XKR9: variants seen among roughly 807,000 people sequenced by gnomAD.
XKR9 encodes the protein XK-related protein 9.
Under a neutral mutation model 32.0 loss-of-function variants are expected in XKR9, and 32 were observed. The ratio of observed to expected loss-of-function variants is 1.00; its 90% confidence interval spans 0.76 to 1.34. The LOEUF is 1.34. XKR9 is among the 40% of genes most tolerant of loss of function. XKR9 has a pLI of 0.00. For missense variants in XKR9, 546 were observed against 429.7 expected (o/e 1.27, Z -2.39); for synonymous variants, 168 against 143.4 (o/e 1.17, Z -1.22).
the XKR9 span, among the ~76,000 whole-genome samples, chr8:70,900,764 A>C: frequency 6.6e-6 from 1 of 152,112 alleles, no homozygotes; most frequent in Non-Finnish European, 1.5e-5. Flanking sequence ...GCACCGGTTA[A>C]CTTGACATTT....
chr8:70,898,534 C>G, the XKR9 span, among the ~76,000 whole-genome samples: 1 of 152,034 alleles, frequency 6.6e-6, no homozygotes, highest in Non-Finnish European at 1.5e-5. Context: ...CATTTTAATT[C>G]AGTTCAAAAT....
chr8:70,736,839 G>A (rs1378218861), downstream of XKR9, among the ~76,000 whole-genome samples: 1 of 151,128 alleles, frequency 6.6e-6, no homozygotes, highest in Admixed American at 6.6e-5. Context: ...CTCTGTTTTG[G>A]TACCAGTACC....
the XKR9 span, among the ~76,000 whole-genome samples, chr8:70,845,249 C>T: frequency 2.1e-4 from 32 of 152,320 alleles, no homozygotes; most frequent in Middle Eastern, 6.8e-3. Flanking sequence ...CTAAAGTGTC[C>T]TACCCAACCA....
At chr8:70,703,032 A>T (rs971752347) in intron 3 of XKR9, among the ~76,000 whole-genome samples, 1 of 152,000 alleles carries the variant, frequency 6.6e-6, no homozygotes, top group Non-Finnish European at 1.5e-5. Flanking sequence ...TTTGATTTTC[A>T]GCAATTTGAG....
the XKR9 span, among the ~76,000 whole-genome samples, chr8:70,951,673 C>G: frequency 2.0e-5 from 3 of 152,340 alleles, no homozygotes; most frequent in South Asian, 6.2e-4. Flanking sequence ...TCCAGCAGAA[C>G]CTCTCTTTGC....
the XKR9 span, among the ~76,000 whole-genome samples, chr8:71,049,642 T>C: frequency 3.9e-5 from 6 of 152,234 alleles, no homozygotes; most frequent in South Asian, 1.2e-3. Flanking sequence ...CAGAGAAGAA[T>C]GGAAGTCAGA....
chr8:70,718,771 G>T (rs1806175794), intron 4 of XKR9, among the ~76,000 whole-genome samples: 1 of 152,142 alleles, frequency 6.6e-6, no homozygotes, highest in Non-Finnish European at 1.5e-5. Flanking sequence ...AAATAGTGCT[G>T]CAATAAACAT....
chr8:70,693,537 G>C (rs1475980107), intron 3 of XKR9, among the ~76,000 whole-genome samples: 3 of 152,122 alleles, frequency 2.0e-5, no homozygotes, highest in Admixed American at 6.5e-5. Context: ...TGCAGCTCTG[G>C]GACAGTCTTA....
intron 2 of XKR9, among the ~76,000 whole-genome samples, chr8:70,774,225 C>G (rs1455186896): frequency 6.6e-6 from 1 of 152,166 alleles, no homozygotes; most frequent in Non-Finnish European, 1.5e-5. Flanking sequence ...AAAAGGAAAA[C>G]AGTAAATTAT....
chr8:70,724,950 G>C (rs570706618), intron 4 of XKR9, among the ~76,000 whole-genome samples: 2 of 152,258 alleles, frequency 1.3e-5, no homozygotes, highest in Admixed American at 1.3e-4. Flanking sequence ...AATTTATAAA[G>C]AAGTTTAATC....
chr8:70,828,805 G>C, the XKR9 span, among the ~76,000 whole-genome samples: 1 of 151,618 alleles, frequency 6.6e-6, no homozygotes, highest in Non-Finnish European at 1.5e-5. Context: ...CAAACATGAA[G>C]GTTAAGTTAT....
intron 4 of XKR9, among the ~76,000 whole-genome samples, chr8:70,722,336 A>G (rs1806310748): frequency 6.7e-6 from 1 of 150,112 alleles, no homozygotes; most frequent in African/African-American, 2.4e-5. Flanking sequence ...TGATCCTGTC[A>G]TCATGATGCT....
the XKR9 span, among the ~76,000 whole-genome samples, chr8:71,004,320 G>T: frequency 1.3e-5 from 2 of 152,098 alleles, no homozygotes; most frequent in Non-Finnish European, 2.9e-5. Flanking sequence ...GCCACACAGA[G>T]GGAAACTATT....
At chr8:70,854,117 G>A in the XKR9 span, among the ~76,000 whole-genome samples, 1 of 152,166 alleles carries the variant, frequency 6.6e-6, no homozygotes, top group Non-Finnish European at 1.5e-5. Flanking sequence ...CTTCCACAAT[G>A]GTTGAACTAG....
the XKR9 span, among the ~76,000 whole-genome samples, chr8:70,867,076 G>A: frequency 1.3e-5 from 2 of 152,184 alleles, no homozygotes; most frequent in Non-Finnish European, 2.9e-5. Flanking sequence ...GGGAAAAAGG[G>A]TTTAATGGAC....
the XKR9 span, among the ~76,000 whole-genome samples, chr8:70,845,005 G>A: frequency 6.6e-6 from 1 of 152,134 alleles, no homozygotes; most frequent in Non-Finnish European, 1.5e-5. Flanking sequence ...TGGTAATACT[G>A]ATGCCCACGT....
the XKR9 span, among the ~76,000 whole-genome samples, chr8:70,958,798 T>A: frequency 1.3e-5 from 2 of 152,170 alleles, no homozygotes; most frequent in Non-Finnish European, 2.9e-5. Context: ...TGTCTTTCAC[T>A]CAGAGAGGAC....
At chr8:70,786,123 T>A (rs1807685873) in intron 2 of XKR9, among the ~76,000 whole-genome samples, 1 of 152,172 alleles carries the variant, frequency 6.6e-6, no homozygotes, top group African/African-American at 2.4e-5. Context: ...TTTATAACAT[T>A]GTGGTTGGAA....
the XKR9 span, among the ~76,000 whole-genome samples, chr8:70,942,713 G>A: frequency 6.6e-6 from 1 of 151,906 alleles, no homozygotes; most frequent in African/African-American, 2.4e-5. Flanking sequence ...TCTGCGGTTG[G>A]GGCTAAAAGT....
Sources: allele counts gnomAD v4.1 joint callset (sites outside exome capture counted in the v4.1 genomes callset), GRCh38; gene constraint gnomAD v4.1.1; transcripts MANE v1.5; gene names NCBI Gene and HGNC (gene_info 2026-07-23, HGNC 2026-07-21).